The following FOXN3 variants were observed in gnomAD, a reference collection of about 807,000 sequenced individuals.
FOXN3 encodes forkhead box N3, also known as forkhead box protein N3.
FOXN3 carries 7 observed loss-of-function variants against 38.4 expected under a neutral mutation model. The observed-to-expected ratio is 0.18, with a 90% CI of 0.10 to 0.34. The LOEUF (loss-of-function observed/expected upper bound fraction) is 0.34, where lower values mean the gene tolerates loss of function less well. FOXN3 is among the 10% of genes least tolerant of loss of function. The pLI, the probability that FOXN3 is intolerant of heterozygous loss-of-function variation, is 1.00. For missense variants in FOXN3, 456 were observed against 613.4 expected, an observed-to-expected ratio of 0.74 and a Z score of 2.71; for synonymous variants, 230 against 242.2, an observed-to-expected ratio of 0.95 and a Z score of 0.47.
chr14:89,492,521 C>A (rs1893601657), intron 1 of FOXN3, among the ~76,000 whole-genome samples: 1 of 152,126 alleles, frequency 6.6e-6, no homozygotes, highest in Non-Finnish European at 1.5e-5. Context: ...ATGGCTTGAG[C>A]CCAGGAGTTT....
chr14:89,212,077 C>T lies in FOXN3; in HGVS notation c.746-31271G>A, dbSNP rs375043610. Among the ~76,000 whole-genome samples, 56 of 152,298 alleles carry T rather than the reference C, an allele frequency of 3.7e-4. No homozygotes were observed. In the East Asian group the frequency reaches 7.4e-3, roughly 20 times the overall value. ...AAGGGTAGGTGATGATACAGCCAGA[C>T]GTGAAAGTCTGTACACCAGAAACCA... is the stretch of plus-strand genomic sequence containing the variant. On this transcript the variant is annotated intron_variant, in intron 4 of 5. Transcript: ENST00000557258.
chr14:89,262,723 T>C (rs1885845009), intron 4 of FOXN3, among the ~76,000 whole-genome samples: 1 of 149,408 alleles, frequency 6.7e-6, no homozygotes, highest in Non-Finnish European at 1.5e-5. Flanking sequence ...GGAGTATTAA[T>C]ATTAAAATGA....
At chr14:89,474,857 C>T (rs1273956187) in intron 1 of FOXN3, among the ~76,000 whole-genome samples, 1 of 151,992 alleles carries the variant, frequency 6.6e-6, no homozygotes, top group African/African-American at 2.4e-5. Flanking sequence ...GCTCTATCAC[C>T]CAGGCTGGAG....
intron 1 of FOXN3, among the ~76,000 whole-genome samples, chr14:89,530,973 A>G (rs1231513829): frequency 6.8e-6 from 1 of 147,814 alleles, no homozygotes; most frequent in African/African-American, 2.5e-5. Flanking sequence ...CATATATAAT[A>G]TATACATATA....
chr14:89,411,439 C>T (rs193064064), intron 2 of FOXN3, among the ~76,000 whole-genome samples: 384 of 152,322 alleles, frequency 2.5e-3, no homozygotes, highest in Admixed American at 5.1e-3. Context: ...ATACTCAAGT[C>T]TCTTCTCAAT....
At chr14:89,499,691 C>T (rs1893756883) in intron 1 of FOXN3, among the ~76,000 whole-genome samples, 1 of 152,068 alleles carries the variant, frequency 6.6e-6, no homozygotes, top group Non-Finnish European at 1.5e-5. Context: ...TTTAAAGACT[C>T]GTTTACGTGT....
chr14:89,609,824 G>A (rs562318055), intron 1 of FOXN3, among the ~76,000 whole-genome samples: 1 of 152,208 alleles, frequency 6.6e-6, no homozygotes, highest in East Asian at 1.9e-4. Flanking sequence ...AGATGAACAG[G>A]AGGTGGATTT....
intron 3 of FOXN3, among the ~76,000 whole-genome samples, chr14:89,311,105 T>TAA (rs10646875): frequency 0.3 from 32,805 of 109,846 alleles, 4,323 homozygotes; most frequent in Admixed American, 0.37. Flanking sequence ...AAACTCCGTC[T>TAA]AAAAAAAAAA....
At chr14:89,178,257 C>G (rs995110676) in intron 5 of FOXN3, among the ~76,000 whole-genome samples, 2 of 152,000 alleles carry the variant, frequency 1.3e-5, no homozygotes, top group African/African-American at 2.4e-5. Flanking sequence ...GTGATCCACC[C>G]GCCGGAGCCT....
chr14:89,199,890 C>A (rs1182438776), intron 4 of FOXN3, among the ~76,000 whole-genome samples: 1 of 151,922 alleles, frequency 6.6e-6, no homozygotes, highest in South Asian at 2.1e-4. Flanking sequence ...GGCGACACAG[C>A]GAGACTCCAT....
intron 1 of FOXN3, among the ~76,000 whole-genome samples, chr14:89,469,932 G>A (rs995175093): frequency 1.4e-4 from 22 of 152,324 alleles, no homozygotes; most frequent in Middle Eastern, 3.4e-3. Flanking sequence ...ACGCAGGTGC[G>A]TTTTTTTAAA....
rs1385117440 is a variant in FOXN3 at position 89,164,993 on chromosome 14, C to T, written c.852-2024G>A. On this transcript the variant is annotated intron_variant, in intron 5 of 5. Transcript: ENST00000557258. The surrounding 1 kb of genome is among the most constrained non-coding windows in gnomAD (Gnocchi z 4.3). ...TAAATTTAGGCTGGGGGAGAGACTC[C>T]GTACTGTCGTGTCCACCAGCAAAAT... Among the ~76,000 whole-genome samples, 1 of 152,138 alleles carries T rather than the reference C, an allele frequency of 6.6e-6. No individual in the cohort carries two copies. Among genetic ancestry groups the T allele is most frequent in the African/African-American group, 2.4e-5 (1 of 41,410 alleles).
chr14:89,606,854 AAAAAT>A (rs1454247924), intron 1 of FOXN3, among the ~76,000 whole-genome samples: 5 of 152,184 alleles, frequency 3.3e-5, no homozygotes, highest in African/African-American at 1.2e-4. Flanking sequence ...GTCTCAAAAA[AAAAAT>A]AAAATAAAAA....
intron 2 of FOXN3, among the ~76,000 whole-genome samples, chr14:89,369,316 T>C (rs1003271125): frequency 2.6e-5 from 4 of 152,220 alleles, no homozygotes; most frequent in African/African-American, 9.7e-5. Context: ...ACATCTTTAG[T>C]AGCAGTGATA....
At chr14:89,291,720 G>A in intron 3 of FOXN3, 1 of 373,618 alleles carries the variant, frequency 2.7e-6, no homozygotes, top group Non-Finnish European at 5.2e-6. Context: ...ATTCCCCAAA[G>A]CCTGCCATTC....
At chr14:89,210,515 C>T (rs1238906322) in intron 4 of FOXN3, among the ~76,000 whole-genome samples, 1 of 152,182 alleles carries the variant, frequency 6.6e-6, no homozygotes, top group Non-Finnish European at 1.5e-5. Flanking sequence ...ACTGTTGTCA[C>T]TCAAATACTC....
intron 4 of FOXN3, among the ~76,000 whole-genome samples, chr14:89,196,861 A>G (rs972840323): frequency 2.0e-5 from 3 of 152,228 alleles, no homozygotes; most frequent in African/African-American, 7.2e-5. Flanking sequence ...AACTAAGAAT[A>G]CAAGGCCAGC....
At chr14:89,546,796 T>C (rs768704803) in intron 1 of FOXN3, among the ~76,000 whole-genome samples, 12 of 151,954 alleles carry the variant, frequency 7.9e-5, no homozygotes, top group Non-Finnish European at 1.2e-4. Flanking sequence ...CAAACATTCA[T>C]ATATACACAC....
intron 5 of FOXN3, among the ~76,000 whole-genome samples, chr14:89,172,291 G>A (rs1411661849): frequency 1.3e-5 from 2 of 152,174 alleles, no homozygotes; most frequent in Non-Finnish European, 2.9e-5. Flanking sequence ...GTCTCACTAT[G>A]TACAGGCTGG....
Sources: gnomAD v4.1 joint callset for allele counts (sites outside exome capture counted in the v4.1 genomes callset) on GRCh38, gnomAD v4.1.1 for gene constraint, Gnocchi (gnomAD v3.1) non-coding constraint, MANE v1.5 for transcripts, NCBI Gene and HGNC (gene_info 2026-07-23, HGNC 2026-07-21) for gene names.